The following PTPRD variants were observed in gnomAD, a reference collection of about 807,000 sequenced individuals.
The protein encoded by PTPRD is receptor-type tyrosine-protein phosphatase delta.
In PTPRD, 34 loss-of-function variants were observed where a neutral mutation model predicts 214.5. That is an observed-to-expected ratio of 0.16 (90% CI 0.12 to 0.21). PTPRD has a LOEUF of 0.21. PTPRD is among the 10% of genes least tolerant of loss of function. The pLI is 1.00. For missense variants in PTPRD, 2,545 were observed against 2,398.7 expected (o/e 1.06, Z -1.27); for synonymous variants, 1,128 against 845.7 (o/e 1.33, Z -5.79).
At chr9:8,754,547 T>G (rs1046305007) in intron 11 of PTPRD, among the ~76,000 whole-genome samples, 3 of 152,216 alleles carry the variant, frequency 2.0e-5, no homozygotes, top group African/African-American at 7.2e-5. Flanking sequence ...AATGGGTATC[T>G]GCATGAAGAA....
intron 37 of PTPRD, among the ~76,000 whole-genome samples, chr9:8,386,097 C>G (rs1188470106): frequency 1.3e-5 from 2 of 152,192 alleles, no homozygotes; most frequent in East Asian, 3.8e-4. Flanking sequence ...CTTGCCACAT[C>G]CTTTATCTCA....
At chr9:10,564,714 T>C (rs1297781380) in intron 2 of PTPRD, among the ~76,000 whole-genome samples, 1 of 152,204 alleles carries the variant, frequency 6.6e-6, no homozygotes, top group African/African-American at 2.4e-5. Flanking sequence ...TACCTTTTGC[T>C]GTTCTAGCCT....
intron 9 of PTPRD, among the ~76,000 whole-genome samples, chr9:9,243,196 G>T (rs990841140): frequency 2.0e-5 from 3 of 152,020 alleles, no homozygotes; most frequent in African/African-American, 7.2e-5. Context: ...ATTCACAGCT[G>T]AATTCTACCA....
At chr9:10,349,217 T>C (rs2154452800) in intron 2 of PTPRD, among the ~76,000 whole-genome samples, 1 of 128,644 alleles carries the variant, frequency 7.8e-6, no homozygotes, top group South Asian at 2.6e-4. Context: ...GCCCTCAAAA[T>C]CATCTTTGGG....
At chr9:9,965,095 C>T (rs942594489) in intron 4 of PTPRD, among the ~76,000 whole-genome samples, 1 of 152,124 alleles carries the variant, frequency 6.6e-6, no homozygotes, top group African/African-American at 2.4e-5. Flanking sequence ...CACAAACACA[C>T]ACAACGACAC....
At chr9:8,483,358 C>A (rs1176394046) in intron 30 of PTPRD, among the ~76,000 whole-genome samples, 1 of 151,830 alleles carries the variant, frequency 6.6e-6, no homozygotes, top group East Asian at 1.9e-4. Context: ...TTTTTTTCAA[C>A]CTTTTAGTAC....
At chr9:10,472,218 G>C (rs2099035599) in intron 2 of PTPRD, among the ~76,000 whole-genome samples, 1 of 152,098 alleles carries the variant, frequency 6.6e-6, no homozygotes, top group African/African-American at 2.4e-5. Context: ...TAAAAGCAAT[G>C]TTTGACTTTA....
At chr9:10,421,521 G>A (rs1362209259) in intron 2 of PTPRD, among the ~76,000 whole-genome samples, 1 of 151,876 alleles carries the variant, frequency 6.6e-6, no homozygotes, top group African/African-American at 2.4e-5. Context: ...TTTTTACTGA[G>A]CCAGTTTAAG....
intron 10 of PTPRD, among the ~76,000 whole-genome samples, chr9:9,029,566 C>T (rs996754976): frequency 1.3e-5 from 2 of 151,810 alleles, no homozygotes; most frequent in African/African-American, 4.8e-5. Flanking sequence ...GAATAATTAA[C>T]ACCAGTGACT....
At chr9:8,409,169 T>C (rs1477347175) in intron 35 of PTPRD, among the ~76,000 whole-genome samples, 1 of 152,214 alleles carries the variant, frequency 6.6e-6, no homozygotes, top group African/African-American at 2.4e-5. Context: ...TTGTACATAC[T>C]AACTCATTTA....
At chr9:8,572,564 T>C (rs2091436404) in intron 14 of PTPRD, among the ~76,000 whole-genome samples, 1 of 152,038 alleles carries the variant, frequency 6.6e-6, no homozygotes, top group African/African-American at 2.4e-5. Flanking sequence ...AGTAATGGTC[T>C]AAAGCTAAAA....
intron 12 of PTPRD, among the ~76,000 whole-genome samples, chr9:8,717,163 A>G (rs2098445764): frequency 6.6e-6 from 1 of 152,148 alleles, no homozygotes; most frequent in African/African-American, 2.4e-5. Flanking sequence ...AAGAAAGAAA[A>G]GTTAGACAAA....
chr9:10,042,470 G>C (rs906190956), intron 3 of PTPRD, among the ~76,000 whole-genome samples: 3 of 151,914 alleles, frequency 2.0e-5, no homozygotes, highest in African/African-American at 7.2e-5. Context: ...AATTCTGCTA[G>C]CCCTGCTCTA....
chr9:9,484,905 G>T (rs1278282943), intron 8 of PTPRD, among the ~76,000 whole-genome samples: 5 of 152,240 alleles, frequency 3.3e-5, no homozygotes, highest in Non-Finnish European at 7.4e-5. Flanking sequence ...GAGAAAATGA[G>T]TTATTAGAAG....
intron 14 of PTPRD, among the ~76,000 whole-genome samples, chr9:8,580,999 G>C (rs2093018176): frequency 6.6e-6 from 1 of 152,070 alleles, no homozygotes; most frequent in Non-Finnish European, 1.5e-5. Flanking sequence ...GTAAAAATTA[G>C]AACTTGTATA....
At chr9:9,061,379 A>G (rs1051489322) in intron 10 of PTPRD, among the ~76,000 whole-genome samples, 1 of 152,230 alleles carries the variant, frequency 6.6e-6, no homozygotes, top group African/African-American at 2.4e-5. Flanking sequence ...ATGTAGCCTT[A>G]GATTTTAGAA....
chr9:10,186,424 A>T (rs2099330451), intron 3 of PTPRD, among the ~76,000 whole-genome samples: 1 of 152,154 alleles, frequency 6.6e-6, no homozygotes, highest in African/African-American at 2.4e-5. Flanking sequence ...AAGTAAGAAA[A>T]AAGCATTTTA....
At chr9:10,562,352 T>C (rs1472194726) in intron 2 of PTPRD, among the ~76,000 whole-genome samples, 1 of 151,714 alleles carries the variant, frequency 6.6e-6, no homozygotes, top group Non-Finnish European at 1.5e-5. Flanking sequence ...TTGCTGCCTG[T>C]ATGTTCAGTG....
chr9:9,150,425 A>AAT (rs968228833), intron 10 of PTPRD, among the ~76,000 whole-genome samples: 54 of 147,622 alleles, frequency 3.7e-4, no homozygotes, highest in African/African-American at 1.2e-3. Flanking sequence ...AAAAATACAT[A>AAT]ATATATTATA....
Sources: gnomAD v4.1 joint callset for allele counts (sites outside exome capture counted in the v4.1 genomes callset) on GRCh38, gnomAD v4.1.1 for gene constraint, MANE v1.5 for transcripts, NCBI Gene and HGNC (gene_info 2026-07-23, HGNC 2026-07-21) for gene names.